The following GRID2 variants were observed in gnomAD, a reference collection of about 807,000 sequenced individuals.
GRID2 encodes the protein glutamate ionotropic receptor delta type subunit 2.
In GRID2, 33 loss-of-function variants were observed where a neutral mutation model predicts 114.8. That is an observed-to-expected ratio of 0.29 (90% CI 0.22 to 0.38). GRID2 has a LOEUF of 0.38. Ranked by LOEUF, GRID2 falls within the 10% of genes least tolerant of loss-of-function variation. The probability of loss-of-function intolerance (pLI) is 1.00; values close to 1 mark genes in which losing one functional copy is unlikely to be tolerated. For missense variants in GRID2, 1,184 were observed against 1,257.7 expected, an observed-to-expected ratio of 0.94 and a Z score of 0.89; for synonymous variants, 505 against 449.9, an observed-to-expected ratio of 1.12 and a Z score of -1.55.
chr4:93,071,725 G>A (rs913160792), intron 2 of GRID2, among the ~76,000 whole-genome samples: 4 of 152,136 alleles, frequency 2.6e-5, no homozygotes, highest in Admixed American at 2.6e-4. Context: ...CAGGAGTTTG[G>A]GTTATATTCA....
At chr4:92,895,628 T>G (rs1747110299) in intron 2 of GRID2, among the ~76,000 whole-genome samples, 1 of 152,032 alleles carries the variant, frequency 6.6e-6, no homozygotes, top group African/African-American at 2.4e-5. Context: ...AATATTAAAA[T>G]AGAGTGTAGT....
chr4:92,584,252 C>A (rs7688913), intron 1 of GRID2, among the ~76,000 whole-genome samples: 57,646 of 151,528 alleles, frequency 0.38, 10,960 homozygotes, highest in Middle Eastern at 0.46. Context: ...TTTAAAATGC[C>A]TGTATAATTT....
At chr4:93,200,565 C>CAAAAAAAAAAAAA (rs1193157530) in intron 4 of GRID2, among the ~76,000 whole-genome samples, 5 of 102,310 alleles carry the variant, frequency 4.9e-5, no homozygotes, top group African/African-American at 2.4e-4. Context: ...GACTCCGTCT[C>CAAAAAAAAAAAAA]AAAACAAACA....
chr4:92,552,665 C>G (rs1162554541), intron 1 of GRID2, among the ~76,000 whole-genome samples: 1 of 152,024 alleles, frequency 6.6e-6, no homozygotes, highest in Non-Finnish European at 1.5e-5. Flanking sequence ...TCTTAAGAAT[C>G]TAAAGGAAAA....
intron 8 of GRID2, among the ~76,000 whole-genome samples, chr4:93,269,952 A>G (rs1380622390): frequency 1.3e-5 from 2 of 152,156 alleles, no homozygotes; most frequent in Non-Finnish European, 2.9e-5. Flanking sequence ...TAACTTTGCC[A>G]TAATCATCTC....
chr4:93,082,457 G>T (rs75215907), intron 2 of GRID2, among the ~76,000 whole-genome samples: 1 of 151,990 alleles, frequency 6.6e-6, no homozygotes, highest in Non-Finnish European at 1.5e-5. Context: ...AGAGGGATGC[G>T]CATTTATAAC....
chr4:92,916,606 T>C (rs1215209422), intron 2 of GRID2, among the ~76,000 whole-genome samples: 2 of 151,676 alleles, frequency 1.3e-5, no homozygotes, highest in African/African-American at 4.8e-5. Context: ...TGAGAACATG[T>C]GGTGTTTGGT....
At chr4:93,581,434 A>G (rs1358889157) in intron 13 of GRID2, among the ~76,000 whole-genome samples, 1 of 152,160 alleles carries the variant, frequency 6.6e-6, no homozygotes, top group Non-Finnish European at 1.5e-5. Context: ...CAGCATTTAT[A>G]TCCGTAAATA....
chr4:92,396,516 A>G (rs994794672), intron 1 of GRID2, among the ~76,000 whole-genome samples: 2 of 151,926 alleles, frequency 1.3e-5, no homozygotes, highest in Non-Finnish European at 2.9e-5. Context: ...AGCTTATACC[A>G]TTGGAGAGAC....
intron 8 of GRID2, among the ~76,000 whole-genome samples, chr4:93,378,519 G>A (rs1763573552): frequency 1.3e-5 from 2 of 151,840 alleles, no homozygotes; most frequent in African/African-American, 4.8e-5. Context: ...GAAATTATTG[G>A]GTAAGTAAAC....
chr4:92,779,131 C>A (rs1292578244), intron 2 of GRID2, among the ~76,000 whole-genome samples: 1 of 151,448 alleles, frequency 6.6e-6, no homozygotes, highest in South Asian at 2.1e-4. Flanking sequence ...ACTATAGTAG[C>A]ATTTCTATTG....
intron 1 of GRID2, among the ~76,000 whole-genome samples, chr4:92,344,995 T>C (rs1159659387): frequency 6.6e-6 from 1 of 152,220 alleles, no homozygotes; most frequent in East Asian, 1.9e-4. Flanking sequence ...ACCCAAGTAG[T>C]GTACACTGTA....
intron 9 of GRID2, among the ~76,000 whole-genome samples, chr4:93,412,338 G>A (rs1191756903): frequency 1.3e-5 from 2 of 150,562 alleles, no homozygotes; most frequent in African/African-American, 4.9e-5. Context: ...AGGATGTAAT[G>A]AGCCGTGATT....
intron 3 of GRID2, among the ~76,000 whole-genome samples, chr4:93,091,643 CT>C (rs1173300651): frequency 6.6e-6 from 1 of 152,002 alleles, no homozygotes; most frequent in Non-Finnish European, 1.5e-5. Context: ...CAATTATTTC[CT>C]GTTTGCACAT....
intron 11 of GRID2, among the ~76,000 whole-genome samples, chr4:93,466,704 G>A (rs1445547299): frequency 1.3e-5 from 2 of 152,116 alleles, no homozygotes; most frequent in Admixed American, 6.6e-5. Flanking sequence ...TTTAGCCAGT[G>A]CCTAATCTGG....
intron 2 of GRID2, among the ~76,000 whole-genome samples, chr4:92,701,313 T>C (rs558342451): frequency 5.3e-4 from 80 of 152,308 alleles, no homozygotes; most frequent in Non-Finnish European, 1.0e-3. Flanking sequence ...CCAAGCACTT[T>C]CACTCCAAAG....
intron 4 of GRID2, among the ~76,000 whole-genome samples, chr4:93,129,107 A>G (rs1046685549): frequency 6.6e-6 from 1 of 152,204 alleles, no homozygotes; most frequent in Non-Finnish European, 1.5e-5. Context: ...AATAACTGCC[A>G]CTAGGAGAGT....
At chr4:92,985,604 T>A (rs751447935) in intron 2 of GRID2, among the ~76,000 whole-genome samples, 1 of 152,146 alleles carries the variant, frequency 6.6e-6, no homozygotes, top group Non-Finnish European at 1.5e-5. Flanking sequence ...TCTTCTCTCC[T>A]GAAAGCATGA....
At chr4:92,360,770 G>T (rs1579237759) in intron 1 of GRID2, among the ~76,000 whole-genome samples, 1 of 151,298 alleles carries the variant, frequency 6.6e-6, no homozygotes, top group Non-Finnish European at 1.5e-5. Context: ...GGAATCATCA[G>T]GTCTTTCAGA....
Sources: gnomAD v4.1 joint callset for allele counts (sites outside exome capture counted in the v4.1 genomes callset) on GRCh38, gnomAD v4.1.1 for gene constraint, MANE v1.5 for transcripts, NCBI Gene and HGNC (gene_info 2026-07-23, HGNC 2026-07-21) for gene names.